Variants in LGALS1 observed in about 807,000 individuals in gnomAD.
LGALS1 encodes galectin 1, also known as galectin-1.
LGALS1 carries 14 observed loss-of-function variants against 14.4 expected under a neutral mutation model. The ratio of observed to expected loss-of-function variants is 0.97; its 90% CI spans 0.64 to 1.52. The LOEUF is 1.52. Ranked by LOEUF, LGALS1 falls within the 40% of genes most tolerant of loss-of-function variation. LGALS1 has a pLI of 0.00. For synonymous variants in LGALS1, 71 were observed against 73.4 expected (o/e 0.97, Z 0.17); for missense variants, 170 against 181.4 (o/e 0.94, Z 0.36).
Position 37,679,730 on chromosome 22 carries a change from A to G in LGALS1, c.389A>G (p.Lys130Arg), listed in dbSNP as rs1921571274. ...GCAGCTGACGGTGACTTCAAGATCA[A>G]ATGTGTGGCCTTTGACTGAAATCAG... is the stretch of plus-strand genomic sequence containing the variant. ...YMAADGDFKI[K>R]CVAFD The change falls in exon 4 of 4, where the codon AAA becomes AGA. Residue 130 changes from lysine (K) to arginine (R), a missense_variant. By Grantham distance (26) the Lys-to-Arg change is conservative. Coordinates refer to ENST00000215909, the MANE Select transcript of LGALS1 (RefSeq NM_002305.4). The G allele has an allele frequency of 6.2e-7, 1 of 1,603,066 alleles. No individual in the cohort carries two copies. Among genetic ancestry groups the G allele is most frequent in the Non-Finnish European group, 8.5e-7 (1 of 1,174,454 alleles).
At chr22:37,679,285 G>A (rs1921550363) in intron 3 of LGALS1, among the ~76,000 whole-genome samples, 1 of 151,224 alleles carries the variant, frequency 6.6e-6, no homozygotes, top group Non-Finnish European at 1.5e-5. Context: ...ACAAAAATTA[G>A]CTGGGCGTGG....
Position 37,679,154 on chromosome 22 carries a change from C to A in LGALS1, c.262-449C>A, listed in dbSNP as rs1921545275. Among the ~76,000 whole-genome samples, 3 of 140,902 alleles carry A rather than the reference C, an allele frequency of 2.1e-5. No individual in the cohort carries two copies. The Admixed American group carries it at 2.2e-4, about 10-fold the overall frequency. The allele number at this position is 140,902 out of a possible 152,430, so 92.4% of individuals were successfully genotyped here. ...CTCAAAAAAAAAAAAAAAAATTAGCCAGCGTGCTGGCTCATGCCTGTAATC... is the reference window on the plus strand; with the variant it reads ...CTCAAAAAAAAAAAAAAAAATTAGCAAGCGTGCTGGCTCATGCCTGTAATC... On this transcript the variant is annotated intron_variant, in intron 3 of 3. Transcript: ENST00000215909.
At chr22:37,678,067 A>G (rs1368042258) in intron 2 of LGALS1, among the ~76,000 whole-genome samples, 6 of 152,208 alleles carry the variant, frequency 3.9e-5, no homozygotes, top group Non-Finnish European at 7.3e-5. Flanking sequence ...GGTTACAGGC[A>G]TGAGCCACCG....
At position 37,679,717 on chromosome 22, in the gene LGALS1, G is replaced by T. The variant is rs1601602909; in HGVS notation, c.376G>T (p.Asp126Tyr). The T allele has an allele frequency of 6.2e-7, 1 of 1,608,220 alleles. No homozygotes were observed. The highest frequency in any genetic ancestry group is 1.1e-5 in the South Asian group (1 of 89,850). ...CATCAACTACATGGCAGCTGACGGT[G>T]ACTTCAAGATCAAATGTGTGGCCTT... ...EAINYMAADG[D>Y]FKIKCVAFD Residue 126 changes from aspartate to tyrosine, a missense_variant, in exon 4 of 4, where the codon GAC (aspartate) becomes TAC (tyrosine). Coordinates refer to ENST00000215909, the MANE Select transcript of LGALS1 (RefSeq NM_002305.4).
At chr22:37,678,420 AT>A in intron 2 of LGALS1, 62 bp from the exon 3 acceptor site, 1 of 1,569,456 alleles carries the variant, frequency 6.4e-7, no homozygotes, top group Non-Finnish European at 8.7e-7. Context: ...TGAGTGACAG[AT>A]TAGTCGGTCA....
rs1601602842 is a variant in LGALS1, at chr22:37,679,648, G to C, written c.307G>C (p.Asp103His). 1 of 1,610,474 alleles carries C rather than the reference G, an allele frequency of 6.2e-7. No homozygotes were observed. The highest frequency in any genetic ancestry group is 8.5e-7 in the Non-Finnish European group (1 of 1,178,852). ...DQANLTVKLP[D>H]GYEFKFPNRL... ...GGCCAACCTGACCGTCAAGCTGCCA[G>C]ATGGATACGAATTCAAGTTCCCCAA... The change falls in exon 4 of 4, where the codon GAT becomes CAT. Residue 103 changes from aspartate to histidine, a missense_variant. By Grantham distance (81) the Asp-to-His change is moderately conservative. Transcript: ENST00000215909.
chr22:37,679,557 G>T (rs750022030), intron 3 of LGALS1, 46 bp from the exon 4 acceptor site: 7 of 1,517,842 alleles, frequency 4.6e-6, no homozygotes, highest in Non-Finnish European at 6.2e-6. Flanking sequence ...GTTCTGGAAG[G>T]GCCCATGGCA....
At chr22:37,679,443 A>T (rs943039457) in intron 3 of LGALS1, among the ~76,000 whole-genome samples, 160 bp from the exon 4 acceptor site, 3 of 152,058 alleles carry the variant, frequency 2.0e-5, no homozygotes, top group African/African-American at 7.2e-5. Flanking sequence ...AAAAAAAAAA[A>T]ATCTATCATA....
intron 2 of LGALS1, 49 bp downstream of exon 2, chr22:37,677,114 G>T: frequency 6.3e-7 from 1 of 1,581,786 alleles, no homozygotes; most frequent in South Asian, 1.1e-5. Context: ...GCTTGGTCCA[G>T]CAGGGAGGGC....
At chr22:37,679,498 G>A (rs765130181) in intron 3 of LGALS1, 105 bp from the exon 4 acceptor site, 40 of 987,404 alleles carry the variant, frequency 4.1e-5, no homozygotes, top group Middle Eastern at 7.3e-4. Context: ...ATGTACCTCC[G>A]CAGGCTCAGC....
intron 1 of LGALS1, 129 bp downstream of exon 1, chr22:37,675,840 C>T (rs1245481836): frequency 1.2e-6 from 1 of 803,986 alleles, no homozygotes; most frequent in Non-Finnish European, 1.8e-6. Context: ...CTTCTCTTTT[C>T]TGGACCTCAG....
intron 3 of LGALS1, 94 bp downstream of exon 3, chr22:37,678,748 T>A: frequency 7.9e-7 from 1 of 1,270,832 alleles, no homozygotes; most frequent in Non-Finnish European, 1.1e-6. Flanking sequence ...CCCTGCCTGC[T>A]CTTTCCCCTC....
Position 37,679,587 on chromosome 22 carries a change from TCTC to T in LGALS1, c.262-12_262-10del. ...ATGGCATGTGGGCCCGGCTCACTGCTCTCCTCTACCCCCAGGTGTGCATCACCT... is the reference window on the plus strand; with the variant it reads ...ATGGCATGTGGGCCCGGCTCACTGCTCTCTACCCCCAGGTGTGCATCACCT... On this transcript the variant is annotated splice_polypyrimidine_tract_variant and intron_variant, in intron 3 of 3. Coordinates refer to ENST00000215909, the MANE Select transcript of LGALS1 (RefSeq NM_002305.4). 1 of 1,580,042 alleles carries T rather than the reference TCTC, an allele frequency of 6.3e-7. No individual in the cohort carries two copies. The highest frequency in any genetic ancestry group is 8.6e-7 in the Non-Finnish European group (1 of 1,161,678).
At position 37,677,073 on chromosome 22, in the gene LGALS1, G is replaced by A. The variant is rs912867862; in HGVS notation, c.89+8G>A. On this transcript the variant is annotated splice_region_variant and intron_variant, in intron 2 of 3. Coordinates refer to ENST00000215909, the MANE Select transcript of LGALS1 (RefSeq NM_002305.4). The stretch of plus-strand genomic sequence containing the variant: ...GGCTCCTGACGCTAAGAGGTGAGAA[G>A]TGAAGTCGGGGTGGTGGGCGGCAGG... 1 of 1,613,728 alleles carries A rather than the reference G, an allele frequency of 6.2e-7. No individual in the cohort carries two copies. Among genetic ancestry groups the A allele is most frequent in the African/African-American group, 1.3e-5 (1 of 75,050 alleles).
At position 37,676,811 on chromosome 22, in the gene LGALS1, A is replaced by G. The variant is rs1407815858; in HGVS notation, c.10-175A>G. ...GGAATAGGGACTTTCCCAGGACCAC[A>G]TAGACAATCGGAGGCTGGAAATTAC... On this transcript the variant is annotated intron_variant, in intron 1 of 3. Coordinates refer to ENST00000215909, the MANE Select transcript of LGALS1 (RefSeq NM_002305.4). 6.9e-6 allele frequency: 5 copies of G among 721,086 alleles called. No individual in the cohort carries two copies. The East Asian group carries it at 1.1e-4, about 16-fold the overall frequency. 44.7% of individuals were successfully genotyped at this position (721,086 alleles called of 1,614,324 possible).
At chr22:37,676,931 C>A in intron 1 of LGALS1, 55 bp from the exon 2 acceptor site, 1 of 1,579,340 alleles carries the variant, frequency 6.3e-7, no homozygotes, top group Non-Finnish European at 8.7e-7. Flanking sequence ...CCGGACACTT[C>A]GAGCAGTGGA....
chr22:37,677,328 G>C, intron 2 of LGALS1: 1 of 480,552 alleles, frequency 2.1e-6, no homozygotes, highest in South Asian at 2.1e-5. Context: ...TGACTCCCCC[G>C]CCCCCACCCC....
rs1400569643 is a variant in LGALS1, at chr22:37,679,727, T to G, written c.386T>G (p.Ile129Ser). 6.2e-7 allele frequency: 1 copy of G among 1,604,084 alleles called. No homozygotes were observed. The highest frequency in any genetic ancestry group is 1.3e-5 in the African/African-American group (1 of 74,566). The change falls in exon 4 of 4, where the codon ATC becomes AGC. Residue 129 changes from isoleucine (I) to serine (S), a missense_variant. Coordinates refer to ENST00000215909, the MANE Select transcript of LGALS1 (RefSeq NM_002305.4). ...ATGGCAGCTGACGGTGACTTCAAGA[T>G]CAAATGTGTGGCCTTTGACTGAAAT... ...NYMAADGDFK[I>S]KCVAFD
At chr22:37,677,406 C>T (rs1921473000) in intron 2 of LGALS1, 2 of 324,058 alleles carry the variant, frequency 6.2e-6, no homozygotes, top group South Asian at 6.1e-5. Context: ...GTCACCGCCG[C>T]CTTCCCCCTG....
Sources: allele counts gnomAD v4.1 joint callset (sites outside exome capture counted in the v4.1 genomes callset), GRCh38; gene constraint gnomAD v4.1.1; transcripts MANE v1.5; gene names NCBI Gene and HGNC (gene_info 2026-07-23, HGNC 2026-07-21).